ZBTB20: variants seen among roughly 807,000 people sequenced by gnomAD.
ZBTB20 encodes the protein zinc finger and BTB domain containing 20.
In ZBTB20, 9 loss-of-function variants were observed where a neutral mutation model predicts 56.9. The observed-to-expected ratio is 0.16, with a 90% CI of 0.10 to 0.28. The LOEUF (loss-of-function observed/expected upper bound fraction) is 0.28. ZBTB20 is among the 10% of genes least tolerant of loss of function. The pLI is 1.00. For synonymous variants in ZBTB20, 417 were observed against 420.7 expected, an observed-to-expected ratio of 0.99 and a Z score of 0.11; for missense variants, 655 against 1,003.0, an observed-to-expected ratio of 0.65 and a Z score of 4.69.
At chr3:114,789,248 G>A (rs762314214) in intron 5 of ZBTB20, among the ~76,000 whole-genome samples, 2 of 152,164 alleles carry the variant, frequency 1.3e-5, no homozygotes, top group East Asian at 3.8e-4. Flanking sequence ...ATGATACATA[G>A]AGCTGTATTA....
chr3:114,614,145 C>A (rs1458408347), intron 6 of ZBTB20, among the ~76,000 whole-genome samples: 2 of 152,102 alleles, frequency 1.3e-5, no homozygotes, highest in Non-Finnish European at 2.9e-5. Context: ...AGTTGCCCTG[C>A]CTCATCTTGG....
At chr3:114,850,548 T>C (rs897615025) in intron 4 of ZBTB20, among the ~76,000 whole-genome samples, 1 of 152,212 alleles carries the variant, frequency 6.6e-6, no homozygotes, top group Non-Finnish European at 1.5e-5. Context: ...ATTACTATTA[T>C]TTTCTCCATT....
intron 5 of ZBTB20, among the ~76,000 whole-genome samples, chr3:114,694,093 ATGAGTTG>A (rs1323860083): frequency 7.9e-5 from 12 of 152,092 alleles, no homozygotes; most frequent in African/African-American, 2.9e-4. Flanking sequence ...CCTCGGTTTC[ATGAGTTG>A]TGAGTTATTG....
intron 6 of ZBTB20, among the ~76,000 whole-genome samples, chr3:114,524,992 G>A (rs1258595780): frequency 6.6e-6 from 1 of 152,054 alleles, no homozygotes; most frequent in Admixed American, 6.5e-5. Context: ...GGGATTACAG[G>A]CATGAGCCAC....
chr3:114,759,241 C>G (rs1053338847), intron 5 of ZBTB20: 20 of 152,116 alleles, frequency 1.3e-4, no homozygotes, highest in African/African-American at 4.8e-4. Flanking sequence ...GCCATTTTCA[C>G]AAATAATGCA....
rs142153634 is a variant in ZBTB20 at position 115,006,460 on chromosome 3, G to GATATAT, written c.-506-32050_-506-32045dup. On this transcript the variant is annotated intron_variant, in intron 2 of 11. Coordinates refer to ENST00000675478, the MANE Select transcript of ZBTB20 (RefSeq NM_001348800.3). ...TATAGTCATAAAATTTATCCAGTTG[G>GATATAT]ATATATATATATATATATATAACCA... Among the ~76,000 whole-genome samples the GATATAT allele has an allele frequency of 5.9e-3, 856 of 144,372 alleles. 8 individuals are homozygous for GATATAT. The highest frequency in any genetic ancestry group is 0.02 in the African/African-American group (797 of 39,230). 94.7% of individuals were successfully genotyped at this position (144,372 alleles called of 152,430 possible).
At chr3:114,786,114 T>C (rs1163760680) in intron 5 of ZBTB20, among the ~76,000 whole-genome samples, 1 of 152,148 alleles carries the variant, frequency 6.6e-6, no homozygotes, top group Non-Finnish European at 1.5e-5. Context: ...CAAGCCATAG[T>C]AGTGAGAAAC....
At chr3:114,775,672 C>T (rs1172964104) in intron 5 of ZBTB20, among the ~76,000 whole-genome samples, 1 of 152,104 alleles carries the variant, frequency 6.6e-6, no homozygotes, top group Non-Finnish European at 1.5e-5. Flanking sequence ...AGATGTTTTC[C>T]CGACAGCCAC....
intron 2 of ZBTB20, among the ~76,000 whole-genome samples, chr3:115,041,337 T>C (rs1024913353): frequency 1.3e-5 from 2 of 152,154 alleles, no homozygotes; most frequent in Non-Finnish European, 2.9e-5. Flanking sequence ...TAAATGTTTT[T>C]CCCAGTTTAT....
At chr3:115,043,480 A>T (rs1290860651) in intron 2 of ZBTB20, among the ~76,000 whole-genome samples, 4 of 151,286 alleles carry the variant, frequency 2.6e-5, no homozygotes, top group Non-Finnish European at 4.4e-5. Context: ...GAGGCAAGAG[A>T]CTCGCTTGAA....
intron 5 of ZBTB20, among the ~76,000 whole-genome samples, chr3:114,774,739 C>T (rs373151333): frequency 2.6e-5 from 4 of 152,190 alleles, no homozygotes; most frequent in African/African-American, 7.2e-5. Context: ...TTTGCTTAAC[C>T]TTCTCTCCTT....
chr3:114,579,699 A>T (rs2054449967), intron 6 of ZBTB20, among the ~76,000 whole-genome samples: 1 of 151,576 alleles, frequency 6.6e-6, no homozygotes, highest in African/African-American at 2.4e-5. Flanking sequence ...AATAAAAAAA[A>T]GCAGAAGGGT....
chr3:115,054,200 T>C (rs1302945782), intron 2 of ZBTB20, among the ~76,000 whole-genome samples: 1 of 152,118 alleles, frequency 6.6e-6, no homozygotes, highest in African/African-American at 2.4e-5. Flanking sequence ...ATACTTCTTA[T>C]TGTGATAAAA....
At chr3:114,586,971 A>C (rs2055234783) in intron 6 of ZBTB20, among the ~76,000 whole-genome samples, 1 of 149,100 alleles carries the variant, frequency 6.7e-6, no homozygotes, top group African/African-American at 2.5e-5. Flanking sequence ...ATTTATACAT[A>C]ACTCTAGGTA....
chr3:114,878,876 CAAAA>C (rs1395380425), intron 4 of ZBTB20, among the ~76,000 whole-genome samples: 1 of 152,004 alleles, frequency 6.6e-6, no homozygotes, highest in Non-Finnish European at 1.5e-5. Flanking sequence ...AAATAACACA[CAAAA>C]AAGAAATATG....
intron 6 of ZBTB20, among the ~76,000 whole-genome samples, chr3:114,545,037 A>C (rs80064595): frequency 0.05 from 7,634 of 152,282 alleles, 488 homozygotes; most frequent in African/African-American, 0.15. Context: ...ATATGTATGA[A>C]AATATAAGAA....
At chr3:114,962,407 A>T (rs1214512464) in intron 3 of ZBTB20, among the ~76,000 whole-genome samples, 1 of 152,128 alleles carries the variant, frequency 6.6e-6, no homozygotes, top group African/African-American at 2.4e-5. Context: ...AATAAAAACA[A>T]GTAATAAGAT....
At chr3:114,785,690 G>A (rs1219664936) in intron 5 of ZBTB20, among the ~76,000 whole-genome samples, 1 of 151,292 alleles carries the variant, frequency 6.6e-6, no homozygotes, top group African/African-American at 2.4e-5. Context: ...ACAATGTGAT[G>A]GTTATCAAAT....
At chr3:114,456,221 A>AC (rs2092010563) in intron 7 of ZBTB20, among the ~76,000 whole-genome samples, 2 of 151,946 alleles carry the variant, frequency 1.3e-5, no homozygotes, top group East Asian at 1.9e-4. Flanking sequence ...ATGGAGAGAG[A>AC]GAGAGAGAGA....
Sources: gnomAD v4.1 joint callset for allele counts (sites outside exome capture counted in the v4.1 genomes callset) on GRCh38, gnomAD v4.1.1 for gene constraint, MANE v1.5 for transcripts, NCBI Gene and HGNC (gene_info 2026-07-23, HGNC 2026-07-21) for gene names.